Variants in LMNTD1 observed in about 807,000 individuals in gnomAD.
LMNTD1 encodes lamin tail domain containing 1.
LMNTD1 carries 35 observed loss-of-function variants against 50.9 expected under a neutral mutation model. That is an observed-to-expected ratio of 0.69 (90% confidence interval 0.53 to 0.91). The LOEUF is 0.91. Among genes scored for constraint, LMNTD1 ranks in the 40% least tolerant of loss-of-function variants. The pLI is 0.00. For synonymous variants in LMNTD1, 153 were observed against 161.9 expected, an observed-to-expected ratio of 0.94 and a Z score of 0.42; for missense variants, 470 against 475.5, an observed-to-expected ratio of 0.99 and a Z score of 0.11.
At chr12:25,530,839 A>G (rs1282564974) in intron 4 of LMNTD1, among the ~76,000 whole-genome samples, 1 of 152,224 alleles carries the variant, frequency 6.6e-6, no homozygotes, top group Non-Finnish European at 1.5e-5. Flanking sequence ...AGATATAACT[A>G]AAGTTATGAA....
intron 1 of LMNTD1, among the ~76,000 whole-genome samples, chr12:25,588,309 C>A (rs140578241): frequency 2.0e-5 from 3 of 152,088 alleles, no homozygotes; most frequent in Non-Finnish European, 4.4e-5. Context: ...AAGTGGAATT[C>A]GATGAGTACT....
chr12:25,511,733 CT>C (rs1213071506), intron 8 of LMNTD1, among the ~76,000 whole-genome samples: 2 of 152,158 alleles, frequency 1.3e-5, no homozygotes, highest in Admixed American at 6.6e-5. Context: ...AGTTGAAACT[CT>C]AACATGGTGG....
chr12:25,519,309 C>T (rs1273375737), intron 7 of LMNTD1, among the ~76,000 whole-genome samples: 1 of 152,020 alleles, frequency 6.6e-6, no homozygotes, highest in Non-Finnish European at 1.5e-5. Flanking sequence ...AGTGAAATGG[C>T]GGCCGGCCGC....
intron 9 of LMNTD1, among the ~76,000 whole-genome samples, chr12:25,489,166 C>T (rs1201076917): frequency 6.6e-6 from 1 of 152,074 alleles, no homozygotes; most frequent in Non-Finnish European, 1.5e-5. Context: ...CCAGTTCGAG[C>T]TTCCCGGCTG....
chr12:25,619,252 C>CTCTCTCTCTCTCTCTCTCTCTCTCTATA (rs1374134268), intron 1 of LMNTD1, among the ~76,000 whole-genome samples: 1 of 84,446 alleles, frequency 1.2e-5, no homozygotes, highest in African/African-American at 5.1e-5. Flanking sequence ...CTCTCTCTCT[C>CTCTCTCTCTCTCTCTCTCTCTCTCTATA]TATATATATA....
At chr12:25,557,889 C>A (rs1592009296), upstream of LMNTD1, among the ~76,000 whole-genome samples, 1 of 152,254 alleles carries the variant, frequency 6.6e-6, no homozygotes, top group East Asian at 1.9e-4. Context: ...TAGTCTGGAG[C>A]CAAAGCCTGT....
intron 1 of LMNTD1, among the ~76,000 whole-genome samples, chr12:25,647,815 G>T (rs572187358): frequency 6.6e-6 from 1 of 152,182 alleles, no homozygotes; most frequent in Admixed American, 6.5e-5. Context: ...GACCAAAATG[G>T]TTCCTCTTGA....
chr12:25,546,336 C>A, intron 4 of LMNTD1, 38 bp downstream of exon 4: 1 of 1,366,274 alleles, frequency 7.3e-7, no homozygotes, highest in Non-Finnish European at 9.9e-7. Flanking sequence ...GGTCCTACCC[C>A]GACAGAAGAT....
chr12:25,621,371 T>C (rs562474184), intron 1 of LMNTD1, among the ~76,000 whole-genome samples: 2 of 152,292 alleles, frequency 1.3e-5, no homozygotes, highest in Admixed American at 6.5e-5. Flanking sequence ...ATTACTGATG[T>C]GAGCCACTGC....
At chr12:25,647,415 G>T (rs201606449) in intron 1 of LMNTD1, among the ~76,000 whole-genome samples, 3 of 152,166 alleles carry the variant, frequency 2.0e-5, no homozygotes, top group Non-Finnish European at 2.9e-5. Flanking sequence ...CTTGAGCCTG[G>T]GGGGGCAGAG....
At position 25,539,531 on chromosome 12, in the gene LMNTD1, A is replaced by G. The variant is rs912566163; in HGVS notation, c.491+6843T>C. Among the ~76,000 whole-genome samples the G allele has an allele frequency of 1.8e-4, 28 of 152,010 alleles. 1 individual carries two copies. The East Asian group carries it at 5.0e-3, about 27-fold the overall frequency. On this transcript the variant is annotated intron_variant, in intron 4 of 9. Coordinates refer to ENST00000458174, the MANE Select transcript of LMNTD1 (RefSeq NM_001145728.2). ...AAGGTGTTCTTTGAAACCAACGAGA[A>G]CAAAGACACAACATGCCAGAATCTC...
At chr12:25,522,228 G>T (rs1015974291) in intron 6 of LMNTD1, among the ~76,000 whole-genome samples, 1 of 152,090 alleles carries the variant, frequency 6.6e-6, no homozygotes, top group Non-Finnish European at 1.5e-5. Context: ...CATTAGTTAC[G>T]AATCCTCCCT....
At chr12:25,603,499 AT>A (rs1335189060) in intron 1 of LMNTD1, among the ~76,000 whole-genome samples, 2 of 152,048 alleles carry the variant, frequency 1.3e-5, no homozygotes, top group African/African-American at 4.8e-5. Context: ...TGTATTATTA[AT>A]TAGGAAATAA....
intron 1 of LMNTD1, among the ~76,000 whole-genome samples, chr12:25,580,163 A>G (rs10505964): frequency 0.13 from 19,337 of 152,142 alleles, 1,469 homozygotes; most frequent in South Asian, 0.25. Flanking sequence ...CTTTTGTCCA[A>G]TGGAAAACTC....
intron 6 of LMNTD1, among the ~76,000 whole-genome samples, chr12:25,524,787 G>C (rs1941590050): frequency 6.6e-6 from 1 of 152,126 alleles, no homozygotes; most frequent in Admixed American, 6.5e-5. Context: ...AGATTGTGTA[G>C]CCTTATTTTT....
chr12:25,616,081 C>T (rs984743465), intron 1 of LMNTD1, among the ~76,000 whole-genome samples: 25 of 141,428 alleles, frequency 1.8e-4, no homozygotes, highest in Non-Finnish European at 2.6e-4. Context: ...CCTCCCACCC[C>T]GACACACACA....
At chr12:25,581,953 G>C (rs143925472) in intron 1 of LMNTD1, among the ~76,000 whole-genome samples, 153 of 152,334 alleles carry the variant, frequency 1.0e-3, no homozygotes, top group African/African-American at 3.5e-3. Flanking sequence ...TTGATCGAAA[G>C]ATCTTTATGC....
chr12:25,573,488 C>T (rs868174225), intron 1 of LMNTD1, among the ~76,000 whole-genome samples: 2 of 152,110 alleles, frequency 1.3e-5, no homozygotes, highest in Admixed American at 1.3e-4. Context: ...AAAGTCTGAG[C>T]ACTCTAAAAC....
chr12:25,556,368 C>G (rs1189186921), upstream of LMNTD1, among the ~76,000 whole-genome samples: 2 of 152,154 alleles, frequency 1.3e-5, no homozygotes, highest in Non-Finnish European at 1.5e-5. Flanking sequence ...GATGAAATAC[C>G]TCTTCCAAGC....
Sources: allele counts gnomAD v4.1 joint callset (sites outside exome capture counted in the v4.1 genomes callset), GRCh38; gene constraint gnomAD v4.1.1; transcripts MANE v1.5; gene names NCBI Gene and HGNC (gene_info 2026-07-23, HGNC 2026-07-21).